LINGO2: variants seen among roughly 807,000 people sequenced by gnomAD.
LINGO2 encodes the protein leucine-rich repeat and immunoglobulin-like domain-containing nogo receptor-interacting protein 2.
A neutral mutation model predicts 30.6 loss-of-function variants in LINGO2; 14 were observed. That is an observed-to-expected ratio of 0.46 (90% confidence interval 0.30 to 0.72). The LOEUF (loss-of-function observed/expected upper bound fraction) is 0.72. Among genes scored for constraint, LINGO2 ranks in the 30% least tolerant of loss-of-function variants. The probability of loss-of-function intolerance (pLI) is 0.07; values close to 1 mark genes in which losing one functional copy is unlikely to be tolerated. For synonymous variants in LINGO2, 317 were observed against 288.5 expected (o/e 1.10, Z -1.00); for missense variants, 729 against 751.7 (o/e 0.97, Z 0.35).
At chr9:28,885,428 C>CAT in the LINGO2 span, among the ~76,000 whole-genome samples, 1 of 146,138 alleles carries the variant, frequency 6.8e-6, no homozygotes, top group South Asian at 2.2e-4. Context: ...TATACACACA[C>CAT]ATATACATAT....
At chr9:28,434,607 A>T (rs1169727884) in intron 2 of LINGO2, among the ~76,000 whole-genome samples, 1 of 151,978 alleles carries the variant, frequency 6.6e-6, no homozygotes, top group African/African-American at 2.4e-5. Context: ...GCTTCTATCA[A>T]ACCAGAAGTC....
intron 2 of LINGO2, among the ~76,000 whole-genome samples, chr9:28,453,119 G>T (rs1331887): frequency 0.024 from 3,713 of 151,882 alleles, 143 homozygotes; most frequent in African/African-American, 0.083. Flanking sequence ...ATAAAATTTC[G>T]AAATGGTTGT....
chr9:28,400,638 G>T (rs1434067736), intron 2 of LINGO2, among the ~76,000 whole-genome samples: 3 of 152,162 alleles, frequency 2.0e-5, no homozygotes, highest in Non-Finnish European at 4.4e-5. Context: ...TGTTTTGATA[G>T]CTCAAACCTT....
At chr9:28,445,896 C>T (rs1255797253) in intron 2 of LINGO2, among the ~76,000 whole-genome samples, 1 of 152,164 alleles carries the variant, frequency 6.6e-6, no homozygotes, top group Admixed American at 6.5e-5. Context: ...TACTACCTCA[C>T]ATTACTAAGG....
chr9:28,497,764 T>C (rs960265609), intron 1 of LINGO2, among the ~76,000 whole-genome samples: 1 of 152,124 alleles, frequency 6.6e-6, no homozygotes, highest in Non-Finnish European at 1.5e-5. Context: ...GCTTTTCTGC[T>C]CTGTTTTTTC....
At position 28,435,203 on chromosome 9, in the gene LINGO2, GGCTAT is replaced by G. The variant is rs1211518566; in HGVS notation, c.-279+40732_-279+40736del. On this transcript the variant is annotated intron_variant, in intron 2 of 5. Transcript: ENST00000379992. ...GATTCAAACAACTACAGACACTAAA[GGCTAT>G]ACATTAAACAAAAACCTGTTCAATT... Among the ~76,000 whole-genome samples the G allele has an allele frequency of 2.0e-5, 3 of 151,924 alleles. No homozygotes were observed. The East Asian group carries it at 5.8e-4, about 29-fold the overall frequency.
intron 5 of LINGO2, among the ~76,000 whole-genome samples, chr9:28,004,167 G>C (rs1372252980): frequency 6.6e-6 from 1 of 152,106 alleles, no homozygotes; most frequent in African/African-American, 2.4e-5. Flanking sequence ...ACAGTGGTTT[G>C]TATTAAAAAT....
rs1032655205 is a variant in LINGO2 at position 28,233,045 on chromosome 9, T to C, written c.-87+62163A>G. 6.9e-4 allele frequency among the ~76,000 whole-genome samples: 81 copies of C among 117,148 alleles called. 3 individuals carry two copies. Among genetic ancestry groups the C allele is most frequent in the Non-Finnish European group, 1.3e-3 (74 of 56,702 alleles). The allele number at this position is 117,148 out of a possible 152,430, so 76.9% of individuals were successfully genotyped here. On this transcript the variant is annotated intron_variant, in intron 4 of 5. Coordinates refer to ENST00000379992, the Ensembl canonical transcript of LINGO2. ...ACAGTAAACATTATATATATATATA[T>C]ATATATATATATATATTAGATATAT...
chr9:28,062,407 T>C (rs1319105550), intron 4 of LINGO2, among the ~76,000 whole-genome samples: 3 of 146,524 alleles, frequency 2.0e-5, no homozygotes, highest in Non-Finnish European at 3.0e-5. Context: ...ATATCACATA[T>C]ATACTATATA....
chr9:28,005,353 T>C (rs1261878798), intron 5 of LINGO2, among the ~76,000 whole-genome samples: 2 of 152,198 alleles, frequency 1.3e-5, no homozygotes, highest in South Asian at 2.1e-4. Flanking sequence ...GAGGATATCA[T>C]ATGTGATTCC....
chr9:28,905,278 C>CA, the LINGO2 span, among the ~76,000 whole-genome samples: 1,469 of 130,980 alleles, frequency 0.011, 27 homozygotes, highest in African/African-American at 0.039. Flanking sequence ...ACAACAAAAG[C>CA]AAAAAAAAAA....
intron 4 of LINGO2, among the ~76,000 whole-genome samples, chr9:28,214,328 C>G (rs1209484428): frequency 2.0e-5 from 3 of 151,580 alleles, no homozygotes; most frequent in African/African-American, 7.3e-5. Flanking sequence ...GGCAGTCATT[C>G]CCAATCATTT....
the LINGO2 span, among the ~76,000 whole-genome samples, chr9:28,858,193 CT>C: frequency 6.6e-6 from 1 of 151,946 alleles, no homozygotes; most frequent in East Asian, 1.9e-4. Context: ...AAAGATTTCG[CT>C]TCTCTGGCTT....
chr9:28,321,479 C>G (rs1825039342), intron 3 of LINGO2, among the ~76,000 whole-genome samples: 1 of 152,114 alleles, frequency 6.6e-6, no homozygotes, highest in Non-Finnish European at 1.5e-5. Flanking sequence ...TAATGGAGGG[C>G]CTACTATGTG....
chr9:28,833,826 G>A, the LINGO2 span, among the ~76,000 whole-genome samples: 3 of 152,134 alleles, frequency 2.0e-5, no homozygotes, highest in Admixed American at 1.3e-4. Context: ...GATATTGGTA[G>A]GTACAGGGAA....
the LINGO2 span, among the ~76,000 whole-genome samples, chr9:29,000,370 T>A: frequency 6.6e-6 from 1 of 151,934 alleles, no homozygotes; most frequent in Non-Finnish European, 1.5e-5. Context: ...AGAGTCTGCA[T>A]ACACACTTTA....
chr9:27,950,020 C>T, exon 6 of LINGO2: 1 of 1,614,096 alleles, frequency 6.2e-7, no homozygotes. Flanking sequence ...AAGGCATACA[C>T]AGGCATATTG....
intron 5 of LINGO2, among the ~76,000 whole-genome samples, chr9:27,992,292 A>G (rs10968258): frequency 0.23 from 34,739 of 152,024 alleles, 4,457 homozygotes; most frequent in African/African-American, 0.35. Context: ...CAGTGGATAC[A>G]TGCAAAATAA....
At chr9:28,486,291 G>A (rs909319278) in intron 1 of LINGO2, among the ~76,000 whole-genome samples, 2 of 152,072 alleles carry the variant, frequency 1.3e-5, no homozygotes, top group Non-Finnish European at 2.9e-5. Flanking sequence ...GATTCCGTGT[G>A]GCAATTTCTT....
Sources: gnomAD v4.1 joint callset for allele counts (sites outside exome capture counted in the v4.1 genomes callset) on GRCh38, gnomAD v4.1.1 for gene constraint, MANE v1.5 for transcripts, NCBI Gene and HGNC (gene_info 2026-07-23, HGNC 2026-07-21) for gene names.